Variants in GIMAP8 observed in about 807,000 individuals in gnomAD.
GIMAP8 encodes the protein GTPase, IMAP family member 8.
GIMAP8 carries 29 observed loss-of-function variants against 35.6 expected under a neutral mutation model. The observed-to-expected ratio is 0.81, with a 90% CI of 0.61 to 1.11. The LOEUF (loss-of-function observed/expected upper bound fraction) is 1.11, where lower values mean the gene tolerates loss of function less well. GIMAP8 is among the 50% of genes most tolerant of loss of function. The probability of loss-of-function intolerance (pLI) is 0.00; values close to 1 mark genes in which losing one functional copy is unlikely to be tolerated. For synonymous variants in GIMAP8, 335 were observed against 308.7 expected, an observed-to-expected ratio of 1.09 and a Z score of -0.89; for missense variants, 811 against 805.0, an observed-to-expected ratio of 1.01 and a Z score of -0.09.
rs1802277682 is a variant in GIMAP8 at position 150,477,906 on chromosome 7, A to G, written c.*126A>G. 1 of 685,274 alleles carries G rather than the reference A, an allele frequency of 1.5e-6. No individual in the cohort carries two copies. Among genetic ancestry groups the G allele is most frequent in the East Asian group, 2.7e-5 (1 of 36,946 alleles). 42.4% of individuals were successfully genotyped at this position (685,274 alleles called of 1,614,324 possible). A position where few individuals can be genotyped will look rare whatever the true frequency, so the allele number is the denominator to read the frequency against. ...CTTTGAGGGCCTGAGAGGCAAATGC[A>G]TCCCGCCTTGTGATGTATCAGCTAT... On this transcript the variant is annotated 3_prime_UTR_variant, in exon 5 of 5. Coordinates refer to ENST00000307271, the MANE Select transcript of GIMAP8 (RefSeq NM_175571.4).
chr7:150,453,647 T>C (rs1185530705), intron 1 of GIMAP8, among the ~76,000 whole-genome samples: 1 of 152,244 alleles, frequency 6.6e-6, no homozygotes, highest in African/African-American at 2.4e-5. Context: ...GAAACAAGTA[T>C]TTATCAGATA....
Position 150,466,756 on chromosome 7 carries a change from C to T in GIMAP8, c.58C>T (p.Arg20Cys), listed in dbSNP as rs201081436. 15 of 1,614,144 alleles carry T rather than the reference C, an allele frequency of 9.3e-6. No homozygotes were observed. The highest frequency in any genetic ancestry group is 5.3e-5 in the African/African-American group (4 of 75,038). ...ELRLLLLGKC[R>C]SGKSATGNAI... ...GCGGCTCCTCCTCCTGGGAAAATGC[C>T]GCTCGGGAAAAAGTGCCACAGGAAA... Residue 20 changes from arginine to cysteine, a missense_variant, in exon 2 of 5, where the codon CGC becomes TGC. Coordinates refer to ENST00000307271, the MANE Select transcript of GIMAP8 (RefSeq NM_175571.4).
At chr7:150,459,928 CAA>C (rs1366488291) in intron 1 of GIMAP8, among the ~76,000 whole-genome samples, 1 of 152,212 alleles carries the variant, frequency 6.6e-6, no homozygotes, top group Non-Finnish European at 1.5e-5. Context: ...TTGATAAGAA[CAA>C]AACACTCCCT....
In GIMAP8 at chr7:150,478,943, A is replaced by T. The variant is rs1176548997; in HGVS notation, c.*1163A>T. On this transcript the variant is annotated 3_prime_UTR_variant, in exon 5 of 5. Transcript: ENST00000307271. ...CAGGATAAGATAGATACAGGGTAAA[A>T]TGTTGAGCACTTTGTACATGCTTTG... 1 of 152,234 alleles carries T rather than the reference A, an allele frequency of 6.6e-6. No individual in the cohort carries two copies. Among genetic ancestry groups the T allele is most frequent in the Non-Finnish European group, 1.5e-5 (1 of 68,038 alleles). 9.4% of individuals were successfully genotyped at this position (152,234 alleles called of 1,614,324 possible).
At chr7:150,454,030 A>G (rs1801676257) in intron 1 of GIMAP8, among the ~76,000 whole-genome samples, 1 of 151,996 alleles carries the variant, frequency 6.6e-6, no homozygotes, top group Non-Finnish European at 1.5e-5. Flanking sequence ...TGTGATAGAG[A>G]CCTAAGGGAA....
chr7:150,461,826 T>A (rs1469562572), intron 1 of GIMAP8, among the ~76,000 whole-genome samples: 1 of 152,234 alleles, frequency 6.6e-6, no homozygotes, highest in Non-Finnish European at 1.5e-5. Context: ...CCTGTCATTG[T>A]GTTGTTTTTG....
In GIMAP8 at chr7:150,477,803, C is replaced by T. The variant is rs958601563; in HGVS notation, c.*23C>T. 1 of 1,581,828 alleles carries T rather than the reference C, an allele frequency of 6.3e-7. No individual in the cohort carries two copies. On this transcript the variant is annotated 3_prime_UTR_variant, in exon 5 of 5. Transcript: ENST00000307271. ...TAGGTAGCCGAAGTGCCTGGGGTCT[C>T]TTCAATTAGAGACACCCTCAGGTTG...
chr7:150,469,248 C>T lies in GIMAP8; in HGVS notation c.637-1581C>T, dbSNP rs186875078. On this transcript the variant is annotated intron_variant, in intron 2 of 4. Coordinates refer to ENST00000307271, the MANE Select transcript of GIMAP8 (RefSeq NM_175571.4). ...GACACTTGCTCTCCCCCATCCCACCCTGTACCAGGTTTGCTTTTATTTCTC... is the reference window on the plus strand; with the variant it reads ...GACACTTGCTCTCCCCCATCCCACCTTGTACCAGGTTTGCTTTTATTTCTC... Among the ~76,000 whole-genome samples, 68 of 152,332 alleles carry T rather than the reference C, an allele frequency of 4.5e-4. 1 individual carries two copies. The highest frequency in any genetic ancestry group is 1.6e-3 in the African/African-American group (68 of 41,576).
At chr7:150,452,074 C>T (rs1336173918) in intron 1 of GIMAP8, among the ~76,000 whole-genome samples, 3 of 152,200 alleles carry the variant, frequency 2.0e-5, no homozygotes, top group Admixed American at 1.3e-4. Flanking sequence ...GAGAAGGAGG[C>T]AGAGGCTGCC....
Position 150,466,896 on chromosome 7 carries a change from C to A in GIMAP8, c.198C>A (p.Thr66=). ...LRERKVVVID[T]PDLFSSIACA... Reference sequence around the variant, plus strand: ...AAAGGAAGGTTGTGGTAATTGACACCCCTGACCTTTTCTCCTCAATAGCTT... The same window carrying A: ...AAAGGAAGGTTGTGGTAATTGACACACCTGACCTTTTCTCCTCAATAGCTT... Residue 66 remains threonine, a synonymous_variant, in exon 2 of 5, where the codon ACC becomes ACA. Coordinates refer to ENST00000307271, the MANE Select transcript of GIMAP8 (RefSeq NM_175571.4). 6.2e-7 allele frequency: 1 copy of A among 1,614,136 alleles called. No individual in the cohort carries two copies. The highest frequency in any genetic ancestry group is 8.5e-7 in the Non-Finnish European group (1 of 1,180,016).
At chr7:150,470,031 G>A (rs1176272672) in intron 2 of GIMAP8, among the ~76,000 whole-genome samples, 1 of 152,176 alleles carries the variant, frequency 6.6e-6, no homozygotes, top group Admixed American at 6.5e-5. Flanking sequence ...GTTAACAACT[G>A]TTACTTTTCT....
chr7:150,467,386 G>A, intron 2 of GIMAP8, 52 bp downstream of exon 2: 1 of 1,425,112 alleles, frequency 7.0e-7, no homozygotes, highest in South Asian at 1.3e-5. Flanking sequence ...GAACTAGTGG[G>A]ATGAAAGTGG....
In GIMAP8 at chr7:150,478,136, G is replaced by T. The variant is rs1802283173; in HGVS notation, c.*356G>T. Reference sequence around the variant, plus strand: ...GATCAAGGCTGAGGCCACCTGGGATGAGAATATAGATAGTCGTACAACAAC... The same window carrying T: ...GATCAAGGCTGAGGCCACCTGGGATTAGAATATAGATAGTCGTACAACAAC... On this transcript the variant is annotated 3_prime_UTR_variant, in exon 5 of 5. Coordinates refer to ENST00000307271, the MANE Select transcript of GIMAP8 (RefSeq NM_175571.4). The T allele has an allele frequency of 3.9e-6, 1 of 255,306 alleles. No homozygotes were observed. The highest frequency in any genetic ancestry group is 5.0e-5 in the Admixed American group (1 of 20,106). The allele number at this position is 255,306 out of a possible 1,614,324, so 15.8% of individuals were successfully genotyped here.
rs116283182 is a variant in GIMAP8 at position 150,475,106 on chromosome 7, T to G, written c.1309+468T>G. On this transcript the variant is annotated intron_variant, in intron 4 of 4. Transcript: ENST00000307271. ...TCCATGGTGTATATGTGCCACATTT[T>G]CTAAAAGGCATAGAGAAGATAAAAA... Among the ~76,000 whole-genome samples the G allele has an allele frequency of 9.3e-3, 1,414 of 152,356 alleles. 20 individuals carry two copies. The highest frequency in any genetic ancestry group is 0.033 in the African/African-American group (1,356 of 41,578).
chr7:150,474,106 A>G lies in GIMAP8; in HGVS notation c.777A>G (p.Gly259=). The change falls in exon 4 of 5, where the codon GGA becomes GGG. Residue 259 remains glycine (G), a synonymous_variant. Transcript: ENST00000307271. ...TCCTTGTGGGGAAACGCGGTGCTGG[A>G]AAAAGTGCAGCAGGAAACAGCATTC... ...TVLLVGKRGA[G]KSAAGNSILG... is the part of the protein sequence containing the mutation. The G allele has an allele frequency of 6.2e-7, 1 of 1,614,178 alleles. No homozygotes were observed.
At chr7:150,470,768 TC>T (rs1250713898) in intron 2 of GIMAP8, 60 bp from the exon 3 acceptor site, 40,971 of 518,580 alleles carry the variant, frequency 0.079, 1,598 homozygotes, top group East Asian at 0.12. Context: ...TTTTTTTTTT[TC>T]AGTTTGTGGA....
intron 1 of GIMAP8, among the ~76,000 whole-genome samples, chr7:150,461,422 T>G (rs1801842341): frequency 6.6e-6 from 1 of 152,264 alleles, no homozygotes; most frequent in Non-Finnish European, 1.5e-5. Flanking sequence ...CACATACATT[T>G]ATAGTTATTA....
chr7:150,452,649 GTA>G (rs1264941337), intron 1 of GIMAP8, among the ~76,000 whole-genome samples: 33 of 125,716 alleles, frequency 2.6e-4, no homozygotes, highest in African/African-American at 4.3e-4. Context: ...ATATATGTGT[GTA>G]TATGTGTGTG....
chr7:150,478,045 T>C lies in GIMAP8; in HGVS notation c.*265T>C, dbSNP rs1802280765. 1 of 488,772 alleles carries C rather than the reference T, an allele frequency of 2.0e-6. No homozygotes were observed. Among genetic ancestry groups the C allele is most frequent in the Middle Eastern group, 5.4e-4 (1 of 1,838 alleles). The allele number at this position is 488,772 out of a possible 1,614,324, so 30.3% of individuals were successfully genotyped here. ...TTTCAGACATTAGGCTGATAATAAG[T>C]GGTAGAATCAAGTCACAAGAATCAC... On this transcript the variant is annotated 3_prime_UTR_variant, in exon 5 of 5. Coordinates refer to ENST00000307271, the MANE Select transcript of GIMAP8 (RefSeq NM_175571.4).
Sources: allele counts gnomAD v4.1 joint callset (sites outside exome capture counted in the v4.1 genomes callset), GRCh38; gene constraint gnomAD v4.1.1; transcripts MANE v1.5; gene names NCBI Gene and HGNC (gene_info 2026-07-23, HGNC 2026-07-21).